Variants in USP4 observed in about 807,000 individuals in gnomAD.
USP4 encodes ubiquitin specific peptidase 4.
Under a neutral mutation model 118.2 loss-of-function variants are expected in USP4, and 72 were observed. The ratio of observed to expected loss-of-function variants is 0.61; its 90% CI spans 0.50 to 0.74. USP4 has a LOEUF of 0.74. USP4 is among the 30% of genes least tolerant of loss of function. The pLI, the probability that USP4 is intolerant of heterozygous loss-of-function variation, is 0.00. For synonymous variants in USP4, 415 were observed against 440.4 expected, an observed-to-expected ratio of 0.94 and a Z score of 0.72; for missense variants, 1,037 against 1,185.7, an observed-to-expected ratio of 0.87 and a Z score of 1.84.
intron 20 of USP4, chr3:49,279,235 G>T (rs1460782469): frequency 6.2e-6 from 1 of 161,782 alleles, no homozygotes; most frequent in Admixed American, 6.5e-5. Context: ...CCCATAAAAG[G>T]AGCTGAAACT....
rs918201662 is a variant in USP4 at position 49,300,702 on chromosome 3, G to C, written c.1288-11C>G. The C allele has an allele frequency of 3.1e-6, 5 of 1,612,884 alleles. No homozygotes were observed. Among genetic ancestry groups the C allele is most frequent in the Non-Finnish European group, 4.2e-6 (5 of 1,179,298 alleles). On this transcript the variant is annotated splice_polypyrimidine_tract_variant and intron_variant, in intron 10 of 21. Coordinates refer to ENST00000265560, the MANE Select transcript of USP4 (RefSeq NM_003363.4). ...TTCCTTTGCCACCACCTGCGTCAAA[G>C]GGATAAACAGGACATTCTCAACACC...
chr3:49,289,413 C>T (rs1034600506), intron 15 of USP4, among the ~76,000 whole-genome samples: 5 of 152,202 alleles, frequency 3.3e-5, no homozygotes, highest in Non-Finnish European at 7.3e-5. Context: ...ACACCTTGAG[C>T]TGGGGATCAG....
chr3:49,332,808 T>C (rs1281019428), intron 2 of USP4, among the ~76,000 whole-genome samples: 2 of 152,104 alleles, frequency 1.3e-5, no homozygotes, highest in African/African-American at 2.4e-5. Flanking sequence ...GGCGGGAGGA[T>C]TGCTTGAGCC....
intron 1 of USP4, among the ~76,000 whole-genome samples, chr3:49,336,152 C>T (rs181925717): frequency 2.7e-5 from 4 of 146,636 alleles, no homozygotes; most frequent in Non-Finnish European, 5.9e-5. Flanking sequence ...GCATGAGCCA[C>T]TGCACCTGGC....
At chr3:49,305,086 T>A (rs2107783017) in intron 9 of USP4, among the ~76,000 whole-genome samples, 1 of 138,740 alleles carries the variant, frequency 7.2e-6, no homozygotes, top group Non-Finnish European at 1.6e-5. Context: ...TGTTGTTTTT[T>A]CTTTGAGACA....
chr3:49,327,408 C>T (rs1317603758), intron 3 of USP4, among the ~76,000 whole-genome samples: 2 of 152,042 alleles, frequency 1.3e-5, no homozygotes, highest in Admixed American at 6.6e-5. Context: ...TAGTGAAAGG[C>T]GCCTGTAATC....
chr3:49,294,644 G>C (rs755011630), intron 13 of USP4, 46 bp from the exon 14 acceptor site: 51 of 1,566,476 alleles, frequency 3.3e-5, no homozygotes, highest in Middle Eastern at 2.1e-4. Context: ...AGGTCCTTGT[G>C]AACAACAGAG....
At chr3:49,303,419 C>T (rs911227585) in intron 9 of USP4, among the ~76,000 whole-genome samples, 22 of 120,932 alleles carry the variant, frequency 1.8e-4, no homozygotes, top group Non-Finnish European at 3.3e-4. Context: ...CCAGCCTGGG[C>T]GACATAGCAA....
intron 15 of USP4, among the ~76,000 whole-genome samples, chr3:49,291,600 AAAAAG>A (rs1449269346): frequency 6.6e-6 from 1 of 151,520 alleles, no homozygotes; most frequent in Non-Finnish European, 1.5e-5. Context: ...AGAAAGAAAG[AAAAAG>A]AAAAGAAAAA....
At chr3:49,304,210 T>A (rs935351122) in intron 9 of USP4, among the ~76,000 whole-genome samples, 6 of 152,116 alleles carry the variant, frequency 3.9e-5, no homozygotes, top group African/African-American at 1.4e-4. Context: ...AAGGTGCTAT[T>A]TTTTTTCCTC....
intron 6 of USP4, among the ~76,000 whole-genome samples, 166 bp downstream of exon 6, chr3:49,324,536 G>C (rs1218310667): frequency 2.6e-5 from 4 of 152,144 alleles, no homozygotes; most frequent in Non-Finnish European, 4.4e-5. Flanking sequence ...ATGCTGCCCT[G>C]CTACCAAAAG....
At position 49,311,748 on chromosome 3, in the gene USP4, T is replaced by C. The variant is rs1303509774; in HGVS notation, c.696-94A>G. 3 of 1,497,866 alleles carry C rather than the reference T, an allele frequency of 2.0e-6. No individual in the cohort carries two copies. In the African/African-American group the frequency reaches 4.3e-5, roughly 21 times the overall value. The allele number at this position is 1,497,866 out of a possible 1,614,324, so 92.8% of individuals were successfully genotyped here. ...GTTGCTTCTCAAGGAATAAATATTC[T>C]TCATATTAAGTTAAAATAAATTACA... On this transcript the variant is annotated intron_variant, in intron 6 of 21. Transcript: ENST00000265560.
chr3:49,288,418 T>C (rs1416320948), intron 15 of USP4, among the ~76,000 whole-genome samples: 1 of 152,210 alleles, frequency 6.6e-6, no homozygotes, highest in Non-Finnish European at 1.5e-5. Context: ...AAGCAGCCTA[T>C]GATCCCAGCA....
At chr3:49,305,606 G>T in intron 9 of USP4, 109 bp downstream of exon 9, 1 of 1,031,186 alleles carries the variant, frequency 9.7e-7, no homozygotes, top group Non-Finnish European at 1.3e-6. Context: ...TAAGCATAAT[G>T]TAAATACCAT....
intron 6 of USP4, among the ~76,000 whole-genome samples, chr3:49,315,156 T>G (rs1258941600): frequency 6.7e-6 from 1 of 150,294 alleles, no homozygotes; most frequent in Non-Finnish European, 1.5e-5. Context: ...ATGCTTACAA[T>G]CCCAGCACTT....
At chr3:49,321,558 C>A (rs2047501934) in intron 6 of USP4, among the ~76,000 whole-genome samples, 1 of 151,778 alleles carries the variant, frequency 6.6e-6, no homozygotes, top group Non-Finnish European at 1.5e-5. Context: ...AGGCTCACTG[C>A]AATCCCCACC....
chr3:49,312,058 TCA>T (rs2047388268), intron 6 of USP4: 1 of 244,138 alleles, frequency 4.1e-6, no homozygotes, highest in African/African-American at 2.3e-5. Flanking sequence ...GCGTGGTGGC[TCA>T]TGCCTGTAAT....
At chr3:49,293,218 A>G (rs1401557949) in intron 14 of USP4, among the ~76,000 whole-genome samples, 1 of 151,772 alleles carries the variant, frequency 6.6e-6, no homozygotes, top group African/African-American at 2.4e-5. Flanking sequence ...CTCTACTAAA[A>G]ATACAAAAGT....
chr3:49,300,713 G>A (rs770981966), intron 10 of USP4, 22 bp from the exon 11 acceptor site: 1 of 1,610,116 alleles, frequency 6.2e-7, no homozygotes, highest in Non-Finnish European at 8.5e-7. Flanking sequence ...GGATAAACAG[G>A]ACATTCTCAA....
Sources: gnomAD v4.1 joint callset for allele counts (sites outside exome capture counted in the v4.1 genomes callset) on GRCh38, gnomAD v4.1.1 for gene constraint, MANE v1.5 for transcripts, NCBI Gene and HGNC (gene_info 2026-07-23, HGNC 2026-07-21) for gene names.